OR6C74: variants seen among roughly 807,000 people sequenced by gnomAD.
OR6C74 encodes olfactory receptor 6C74.
For missense variants in OR6C74, 361 were observed against 362.9 expected (o/e 0.99, Z 0.04); for synonymous variants, 142 against 134.2 (o/e 1.06, Z -0.40).
rs1954260776 is a variant in OR6C74, at chr12:55,244,768, A to T, written c.-59A>T. On this transcript the variant is annotated 5_prime_UTR_variant, in exon 1 of 2. It introduces an in-frame stop codon into an upstream open reading frame of the 5' UTR. Transcript: ENST00000343399. ...CTCCAAATTTAATTTAATACAACAT[A>T]AATCAGAGAACATCTTATTAATAAA... 6.6e-6 allele frequency among the ~76,000 whole-genome samples: 1 copy of T among 152,084 alleles called. No homozygotes were observed. Among genetic ancestry groups the T allele is most frequent in the African/African-American group, 2.4e-5 (1 of 41,440 alleles).
rs1592246071 is a variant in OR6C74, at chr12:55,254,457, G to A, written c.*6231G>A. ...ATTAACTTTCACAAAAGATATCTGG[G>A]AAGGATGTAAATTTAACCAATATTG... On this transcript the variant is annotated 3_prime_UTR_variant, in exon 2 of 2. Coordinates refer to ENST00000343399, the MANE Select transcript of OR6C74 (RefSeq NM_001005490.2). Among the ~76,000 whole-genome samples the A allele has an allele frequency of 1.3e-5, 2 of 152,052 alleles. No homozygotes were observed. The highest frequency in any genetic ancestry group is 2.9e-5 in the Non-Finnish European group (2 of 67,990).
rs1297947205 is a variant in OR6C74, at chr12:55,250,871, A to C, written c.*2645A>C. Among the ~76,000 whole-genome samples, 2 of 152,098 alleles carry C rather than the reference A, an allele frequency of 1.3e-5. No individual in the cohort carries two copies. Among genetic ancestry groups the C allele is most frequent in the African/African-American group, 4.8e-5 (2 of 41,428 alleles). ...ATCACAATTCCTTTTGTACCAACCT[A>C]ATATATACTGAGTAAGTATTAAGAC... On this transcript the variant is annotated 3_prime_UTR_variant, in exon 2 of 2. Transcript: ENST00000343399.
rs1042349291 is a variant in OR6C74, at chr12:55,245,228, C to A, written c.-10+411C>A. Among the ~76,000 whole-genome samples the A allele has an allele frequency of 2.6e-5, 4 of 151,994 alleles. No individual in the cohort carries two copies. In the East Asian group the frequency reaches 5.8e-4, roughly 22 times the overall value. On this transcript the variant is annotated intron_variant, in intron 1 of 1. Transcript: ENST00000343399. ...AAGTGTGTTATAAGAAAGCTTTGAA[C>A]CTTTCACCTTGCAGATGCCTAGTTT...
In OR6C74 at chr12:55,255,218, G is replaced by A. The variant is rs1309591683; in HGVS notation, c.*6992G>A. ...TTCACAGTTGTGTTACAGACTGATTGTGTCTGCTCTACCCATGGAGCCCCC... is the reference window on the plus strand; with the variant it reads ...TTCACAGTTGTGTTACAGACTGATTATGTCTGCTCTACCCATGGAGCCCCC... On this transcript the variant is annotated 3_prime_UTR_variant, in exon 2 of 2. Transcript: ENST00000343399. 6.6e-6 allele frequency among the ~76,000 whole-genome samples: 1 copy of A among 152,038 alleles called. No individual in the cohort carries two copies. Among genetic ancestry groups the A allele is most frequent in the African/African-American group, 2.4e-5 (1 of 41,410 alleles).
chr12:55,247,211 G>A, intron 1 of OR6C74, 68 bp from the exon 2 acceptor site: 1 of 859,072 alleles, frequency 1.2e-6, no homozygotes. Flanking sequence ...TGGATTTCAA[G>A]AAAAATGGGT....
At position 55,251,797 on chromosome 12, in the gene OR6C74, ATAGTCAATATT is replaced by A. The variant is rs1259950884; in HGVS notation, c.*3572_*3582del. On this transcript the variant is annotated 3_prime_UTR_variant, in exon 2 of 2. Transcript: ENST00000343399. Reference sequence around the variant, plus strand: ...TTTAAAAATCTTTTGAAGTAAAAGAATAGTCAATATTATCATAAATTTAGAAATTATGTCAT... The same window carrying A: ...TTTAAAAATCTTTTGAAGTAAAAGAAATCATAAATTTAGAAATTATGTCAT... 5.9e-5 allele frequency among the ~76,000 whole-genome samples: 9 copies of A among 151,900 alleles called. No individual in the cohort carries two copies. Among genetic ancestry groups the A allele is most frequent in the African/African-American group, 1.9e-4 (8 of 41,444 alleles).
rs183271185 is a variant in OR6C74 at position 55,255,052 on chromosome 12, C to T, written c.*6826C>T. Among the ~76,000 whole-genome samples the T allele has an allele frequency of 5.1e-4, 78 of 152,030 alleles. 1 individual carries two copies. The East Asian group carries it at 0.011, about 22-fold the overall frequency. On this transcript the variant is annotated 3_prime_UTR_variant, in exon 2 of 2. Coordinates refer to ENST00000343399, the MANE Select transcript of OR6C74 (RefSeq NM_001005490.2). ...TTAATATCATTCAGCCTTGAAAGATCGAAATAATACCTCCCTCCAGGGCAG... is the reference window on the plus strand; with the variant it reads ...TTAATATCATTCAGCCTTGAAAGATTGAAATAATACCTCCCTCCAGGGCAG...
At chr12:55,247,198 T>C (rs1954275400) in intron 1 of OR6C74, 81 bp from the exon 2 acceptor site, 2 of 743,294 alleles carry the variant, frequency 2.7e-6, no homozygotes, top group Admixed American at 2.5e-5. Flanking sequence ...AATGTCTTTA[T>C]GGTGGATTTC....
chr12:55,250,326 T>C lies in OR6C74; in HGVS notation c.*2100T>C, dbSNP rs1454157660. The stretch of plus-strand genomic sequence containing the variant: ...ATATATAGGTAAATCCATAAATCAT[T>C]GAATGTATATTAAAAACTTTTTCTC... On this transcript the variant is annotated 3_prime_UTR_variant, in exon 2 of 2. Transcript: ENST00000343399. Among the ~76,000 whole-genome samples, 1 of 152,052 alleles carries C rather than the reference T, an allele frequency of 6.6e-6. No homozygotes were observed. The highest frequency in any genetic ancestry group is 1.5e-5 in the Non-Finnish European group (1 of 68,006).
chr12:55,246,193 A>T lies in OR6C74; in HGVS notation c.-9-1086A>T, dbSNP rs189746346. ...AAAAAGATAGAAAAACAAGAAAAAT[A>T]AAAAAGTTAACATAATTTTGAATTG... On this transcript the variant is annotated intron_variant, in intron 1 of 1. Coordinates refer to ENST00000343399, the MANE Select transcript of OR6C74 (RefSeq NM_001005490.2). 3.3e-3 allele frequency among the ~76,000 whole-genome samples: 509 copies of T among 152,322 alleles called. 4 individuals carry two copies. Among genetic ancestry groups the T allele is most frequent in the African/African-American group, 0.011 (473 of 41,570 alleles).
rs1353237516 is a variant in OR6C74, at chr12:55,252,649, T to G, written c.*4423T>G. Among the ~76,000 whole-genome samples the G allele has an allele frequency of 6.6e-6, 1 of 151,954 alleles. No homozygotes were observed. Among genetic ancestry groups the G allele is most frequent in the Non-Finnish European group, 1.5e-5 (1 of 67,888 alleles). On this transcript the variant is annotated 3_prime_UTR_variant, in exon 2 of 2. Transcript: ENST00000343399. The stretch of plus-strand genomic sequence containing the variant: ...AAATTTCTCTTTTAATTCAACTTTC[T>G]TTTGATAATGGGTTACTTTTTCCCA...
rs1372231886 is a variant in OR6C74, at chr12:55,253,149, T to C, written c.*4923T>C. Reference sequence around the variant, plus strand: ...TGTGCCAATAAATTCTTGTATTATCTATTAATCCATAAACATTCATTCCCA... The same window carrying C: ...TGTGCCAATAAATTCTTGTATTATCCATTAATCCATAAACATTCATTCCCA... On this transcript the variant is annotated 3_prime_UTR_variant, in exon 2 of 2. Transcript: ENST00000343399. Among the ~76,000 whole-genome samples, 1 of 152,108 alleles carries C rather than the reference T, an allele frequency of 6.6e-6. No individual in the cohort carries two copies. Among genetic ancestry groups the C allele is most frequent in the Admixed American group, 6.6e-5 (1 of 15,252 alleles).
Position 55,253,726 on chromosome 12 carries a change from AT to A in OR6C74, c.*5504del, listed in dbSNP as rs895377638. On this transcript the variant is annotated 3_prime_UTR_variant, in exon 2 of 2. Transcript: ENST00000343399. ...CATGTTTCATTGATTTCACTGTACG[AT>A]TTTCTTGGGAAAGGACCACATATCT... Among the ~76,000 whole-genome samples the A allele has an allele frequency of 1.3e-5, 2 of 152,056 alleles. No homozygotes were observed. Among genetic ancestry groups the A allele is most frequent in the African/African-American group, 4.8e-5 (2 of 41,422 alleles).
chr12:55,246,297 A>G (rs1954269731), intron 1 of OR6C74, among the ~76,000 whole-genome samples: 1 of 152,192 alleles, frequency 6.6e-6, no homozygotes, highest in Non-Finnish European at 1.5e-5. Flanking sequence ...AACAGGGGGA[A>G]ACATGCAGAG....
rs1954297588 is a variant in OR6C74 at position 55,249,415 on chromosome 12, A to G, written c.*1189A>G. Among the ~76,000 whole-genome samples, 3 of 152,012 alleles carry G rather than the reference A, an allele frequency of 2.0e-5. No homozygotes were observed. The South Asian group carries it at 6.2e-4, about 32-fold the overall frequency. On this transcript the variant is annotated 3_prime_UTR_variant, in exon 2 of 2. Coordinates refer to ENST00000343399, the MANE Select transcript of OR6C74 (RefSeq NM_001005490.2). ...CTTATGAATAATTCTGACTGGAAGGATTTATTTTTCTGACTTATAAAATTA... is the reference window on the plus strand; with the variant it reads ...CTTATGAATAATTCTGACTGGAAGGGTTTATTTTTCTGACTTATAAAATTA...
Position 55,248,678 on chromosome 12 carries a change from C to T in OR6C74, c.*452C>T, listed in dbSNP as rs1278391579. Among the ~76,000 whole-genome samples, 1 of 151,792 alleles carries T rather than the reference C, an allele frequency of 6.6e-6. No individual in the cohort carries two copies. The highest frequency in any genetic ancestry group is 1.5e-5 in the Non-Finnish European group (1 of 68,040). On this transcript the variant is annotated 3_prime_UTR_variant, in exon 2 of 2. Transcript: ENST00000343399. Reference sequence around the variant, plus strand: ...TTTCTTTCTTAGTGTTTAGTAGAATCTCGAAGCAAATCAATTTAATGGCAT... The same window carrying T: ...TTTCTTTCTTAGTGTTTAGTAGAATTTCGAAGCAAATCAATTTAATGGCAT...
chr12:55,252,371 G>A lies in OR6C74; in HGVS notation c.*4145G>A, dbSNP rs989599779. Reference sequence around the variant, plus strand: ...AATGTGGATCCATTTTAAATGAACTGGAAATCACAATAATTATTCTTCAAT... The same window carrying A: ...AATGTGGATCCATTTTAAATGAACTAGAAATCACAATAATTATTCTTCAAT... On this transcript the variant is annotated 3_prime_UTR_variant, in exon 2 of 2. Transcript: ENST00000343399. Among the ~76,000 whole-genome samples, 2 of 150,810 alleles carry A rather than the reference G, an allele frequency of 1.3e-5. No homozygotes were observed. Among genetic ancestry groups the A allele is most frequent in the Admixed American group, 6.6e-5 (1 of 15,104 alleles).
At position 55,254,389 on chromosome 12, in the gene OR6C74, A is replaced by G. The variant is rs1276737425; in HGVS notation, c.*6163A>G. The stretch of plus-strand genomic sequence containing the variant: ...TTACATATATGAAATACATACACAC[A>G]TATATGTAATTCCCAGTTGGGATCC... On this transcript the variant is annotated 3_prime_UTR_variant, in exon 2 of 2. Coordinates refer to ENST00000343399, the MANE Select transcript of OR6C74 (RefSeq NM_001005490.2). Among the ~76,000 whole-genome samples the G allele has an allele frequency of 6.6e-6, 1 of 152,138 alleles. No individual in the cohort carries two copies. Among genetic ancestry groups the G allele is most frequent in the Non-Finnish European group, 1.5e-5 (1 of 67,992 alleles).
chr12:55,248,305 T>C lies in OR6C74; in HGVS notation c.*79T>C, dbSNP rs913265714. On this transcript the variant is annotated 3_prime_UTR_variant, in exon 2 of 2. Coordinates refer to ENST00000343399, the MANE Select transcript of OR6C74 (RefSeq NM_001005490.2). ...AGTATGTGCAAAGTTTTTCAATGTT[T>C]GTATTCAATAATATTACCTCTTTTT... The C allele has an allele frequency of 1.4e-5, 12 of 845,140 alleles. No individual in the cohort carries two copies. The highest frequency in any genetic ancestry group is 2.0e-5 in the Non-Finnish European group (11 of 551,866). 52.4% of individuals were successfully genotyped at this position (845,140 alleles called of 1,614,324 possible).
Sources: allele counts gnomAD v4.1 joint callset (sites outside exome capture counted in the v4.1 genomes callset), GRCh38; gene constraint gnomAD v4.1.1; transcripts MANE v1.5; gene names NCBI Gene and HGNC (gene_info 2026-07-23, HGNC 2026-07-21).